Variants in NPY4R2 observed in about 807,000 individuals in gnomAD.
NPY4R2 encodes neuropeptide Y receptor type 4-2.
For synonymous variants in NPY4R2, 6 were observed against 115.2 expected (o/e 0.05, Z 6.07); for missense variants, 7 against 268.8 (o/e 0.03, Z 6.81).
At chr10:47,920,269 C>T (rs1841712764) in intron 1 of NPY4R2, among the ~76,000 whole-genome samples, 1 of 93,490 alleles carries the variant, frequency 1.1e-5, no homozygotes, top group Non-Finnish European at 2.0e-5. Context: ...CAGAGTCTCG[C>T]TCTGTTGCCC....
At chr10:47,916,656 C>T (rs1164017065), upstream of NPY4R2, among the ~76,000 whole-genome samples, 21 of 136,860 alleles carry the variant, frequency 1.5e-4, no homozygotes, top group African/African-American at 5.3e-4. Flanking sequence ...CATGCTTCTG[C>T]CTGGCAAGGG....
At chr10:47,916,543 G>C (rs2132177245), upstream of NPY4R2, among the ~76,000 whole-genome samples, 1 of 130,022 alleles carries the variant, frequency 7.7e-6, no homozygotes, top group East Asian at 2.2e-4. Context: ...TTGGCTGGCT[G>C]AGACAAGACA....
At position 47,920,725 on chromosome 10, in the gene NPY4R2, T is replaced by C. The variant is rs1350141284; in HGVS notation, c.-215-13T>C. On this transcript the variant is annotated splice_polypyrimidine_tract_variant and intron_variant, in intron 1 of 2. Coordinates refer to ENST00000576178, the Ensembl canonical transcript of NPY4R2. ...TGTGCATCAGAATCACATAGTCTAC[T>C]TGTTAAATACAGATTCCTGGCCCCC... 2 of 142,928 alleles carry C rather than the reference T, an allele frequency of 1.4e-5. No individual in the cohort carries two copies. Among genetic ancestry groups the C allele is most frequent in the Non-Finnish European group, 3.1e-5 (2 of 64,904 alleles). 8.9% of individuals were successfully genotyped at this position (142,928 alleles called of 1,614,324 possible). A position where few individuals can be genotyped will look rare whatever the true frequency, so the allele number is the denominator to read the frequency against.
chr10:47,918,450 C>T (rs1157992326), upstream of NPY4R2, among the ~76,000 whole-genome samples: 6 of 43,138 alleles, frequency 1.4e-4, 1 homozygote, highest in Non-Finnish European at 2.5e-4. Context: ...AGAAAGACAG[C>T]GCAGCTCCAG....
upstream of NPY4R2, among the ~76,000 whole-genome samples, chr10:47,914,976 C>T (rs1223246633): frequency 2.6e-5 from 4 of 152,294 alleles, no homozygotes; most frequent in African/African-American, 9.6e-5. Flanking sequence ...GTGTGAGGAT[C>T]TTTGGTTCTC....
intron 1 of NPY4R2, among the ~76,000 whole-genome samples, chr10:47,920,325 C>T (rs1840945979): frequency 1.3e-5 from 1 of 77,354 alleles, no homozygotes; most frequent in Non-Finnish European, 2.5e-5. Flanking sequence ...CAACCTCCGC[C>T]TCCCAGGTTC....
At chr10:47,921,757 C>A (rs1554990163) in intron 2 of NPY4R2, among the ~76,000 whole-genome samples, 172 bp from the exon 3 acceptor site, 1 of 151,750 alleles carries the variant, frequency 6.6e-6, no homozygotes, top group African/African-American at 2.4e-5. Flanking sequence ...GTGCTTCTAA[C>A]AAGGTAGCAA....
Position 47,922,084 on chromosome 10 carries a change from C to T in NPY4R2, c.97C>T (p.His33Tyr). The change falls in exon 3 of 3, where the codon CAT (histidine) becomes TAT (tyrosine). Residue 33 changes from histidine to tyrosine, a missense_variant. His to Tyr is a moderately conservative substitution (Grantham distance 83, BLOSUM62 2). Coordinates refer to ENST00000576178, the Ensembl canonical transcript of NPY4R2. ...GGGCACCCCATACAACTTCTCTGAACATTGCCAGGATTCCGTGGACGTGAT... is the reference window on the plus strand; with the variant it reads ...GGGCACCCCATACAACTTCTCTGAATATTGCCAGGATTCCGTGGACGTGAT... 5.7e-6 allele frequency: 3 copies of T among 525,444 alleles called. 1 individual carries two copies. The highest frequency in any genetic ancestry group is 8.3e-6 in the Non-Finnish European group (3 of 360,052). The allele number at this position is 525,444 out of a possible 1,614,324, so 32.5% of individuals were successfully genotyped here. A position where few individuals can be genotyped will look rare whatever the true frequency, so the allele number is the denominator to read the frequency against.
upstream of NPY4R2, among the ~76,000 whole-genome samples, chr10:47,916,620 A>G (rs7098243): frequency 8.5e-3 from 1,149 of 135,416 alleles, 45 homozygotes; most frequent in African/African-American, 0.026. Flanking sequence ...CCAGTTAGGC[A>G]TGAGGATGGA....
chr10:47,914,954 G>C (rs1165920728), upstream of NPY4R2, among the ~76,000 whole-genome samples: 2 of 152,280 alleles, frequency 1.3e-5, no homozygotes, highest in East Asian at 1.9e-4. Flanking sequence ...TTGTGCTGTT[G>C]ATTTCCTAAA....
At chr10:47,918,430 A>AG (rs1589088818), upstream of NPY4R2, among the ~76,000 whole-genome samples, 19 of 34,578 alleles carry the variant, frequency 5.5e-4, no homozygotes, top group East Asian at 3.9e-3. Flanking sequence ...AGAAAGAAAG[A>AG]AAGAGAGAGA....
chr10:47,920,541 A>G (rs1841717211), intron 1 of NPY4R2, among the ~76,000 whole-genome samples, 197 bp from the exon 2 acceptor site: 1 of 121,092 alleles, frequency 8.3e-6, no homozygotes, highest in Admixed American at 8.8e-5. Context: ...AATAGATTTT[A>G]CTGAGCTCTG....
chr10:47,918,431 A>AAGAGAGAGAG, upstream of NPY4R2, among the ~76,000 whole-genome samples: 1 of 31,114 alleles, frequency 3.2e-5, no homozygotes, highest in East Asian at 5.7e-4. Flanking sequence ...GAAAGAAAGA[A>AAGAGAGAGAG]AGAGAGAGAG....
At chr10:47,920,237 C>CTTTT (rs147157851) in intron 1 of NPY4R2, among the ~76,000 whole-genome samples, 1 of 67,706 alleles carries the variant, frequency 1.5e-5, no homozygotes, top group Non-Finnish European at 2.7e-5. Flanking sequence ...AAATGAGACT[C>CTTTT]TTTTTTTTTT....
upstream of NPY4R2, among the ~76,000 whole-genome samples, chr10:47,916,610 C>G (rs1841669087): frequency 7.5e-6 from 1 of 134,156 alleles, no homozygotes; most frequent in South Asian, 2.4e-4. Context: ...TCATACCACA[C>G]CAGTTAGGCA....
At chr10:47,918,435 G>GAAAGAAAGAAAGAA (rs1841698454), upstream of NPY4R2, among the ~76,000 whole-genome samples, 1 of 35,076 alleles carries the variant, frequency 2.9e-5, no homozygotes, top group Non-Finnish European at 5.9e-5. Flanking sequence ...GAAAGAAAGA[G>GAAAGAAAGAAAGAA]AGAGAGAAAG....
At chr10:47,918,374 AGAGAGAGAG>A (rs1841688563), upstream of NPY4R2, among the ~76,000 whole-genome samples, 12 of 19,696 alleles carry the variant, frequency 6.1e-4, 1 homozygote, top group African/African-American at 3.5e-3. Context: ...AGAGAGAGAG[AGAGAGAGAG>A]AGAAAGAAAG....
rs147157851 is a variant in NPY4R2, at chr10:47,920,237, C to CTT, written c.-215-485_-215-484dup. On this transcript the variant is annotated intron_variant, in intron 1 of 2. Transcript: ENST00000576178. ...ATCTTTTAAATGACCAAATGAGACT[C>CTT]TTTTTTTTTTTTTTTTTGAGACAGA... 8.0e-3 allele frequency among the ~76,000 whole-genome samples: 540 copies of CTT among 67,634 alleles called. 17 individuals carry two copies. The highest frequency in any genetic ancestry group is 0.043 in the African/African-American group (507 of 11,680). 44.4% of individuals were successfully genotyped at this position (67,634 alleles called of 152,430 possible).
upstream of NPY4R2, among the ~76,000 whole-genome samples, chr10:47,918,259 CAGAG>C (rs148727060): frequency 1.7e-4 from 1 of 5,742 alleles, no homozygotes; most frequent in Non-Finnish European, 3.2e-4. Context: ...GAAACTGAGG[CAGAG>C]AGAGAGAGAG....
Sources: gnomAD v4.1 joint callset for allele counts (sites outside exome capture counted in the v4.1 genomes callset) on GRCh38, gnomAD v4.1.1 for gene constraint, MANE v1.5 for transcripts, NCBI Gene and HGNC (gene_info 2026-07-23, HGNC 2026-07-21) for gene names.